SLC6A8: variants seen among roughly 807,000 people sequenced by gnomAD.
SLC6A8 encodes the protein solute carrier family 6 member 8.
SLC6A8 carries 6 observed loss-of-function variants against 48.3 expected under a neutral mutation model. That is an observed-to-expected ratio of 0.12 (90% CI 0.07 to 0.25). The LOEUF (loss-of-function observed/expected upper bound fraction) is 0.25. Ranked by LOEUF, SLC6A8 falls within the 10% of genes least tolerant of loss-of-function variation. The pLI is 1.00. For missense variants in SLC6A8, 260 were observed against 551.5 expected (o/e 0.47, Z 5.29); for synonymous variants, 245 against 244.0 (o/e 1.00, Z -0.04).
In SLC6A8 at chrX:153,696,581, T is replaced by C. The variant is rs1329971917; in HGVS notation, c.*1367T>C. The C allele has an allele frequency of 3.4e-6, 1 of 294,520 alleles. No individual in the cohort carries two copies. The highest frequency in any genetic ancestry group is 2.7e-5 in the African/African-American group (1 of 36,961). 24.3% of individuals were successfully genotyped at this position (294,520 alleles called of 1,213,427 possible). ...AGACATAGCAATAAAAACATGTCATTTTCCAAAGCAGGCTCCTGCTTCCGC... is the reference window on the plus strand; with the variant it reads ...AGACATAGCAATAAAAACATGTCATCTTCCAAAGCAGGCTCCTGCTTCCGC... On this transcript the variant is annotated 3_prime_UTR_variant, in exon 13 of 13. Transcript: ENST00000253122.
Position 153,695,619 on chromosome X carries a change from G to C in SLC6A8, c.*405G>C. ...TGGCAGCTTGGGAAATGTGAGGAAG[G>C]GAAGGAGGGAGAGACGGGAGGGAGG... On this transcript the variant is annotated 3_prime_UTR_variant, in exon 13 of 13. Coordinates refer to ENST00000253122, the MANE Select transcript of SLC6A8 (RefSeq NM_005629.4). The C allele has an allele frequency of 4.9e-6, 1 of 203,254 alleles. No homozygotes were observed. Among genetic ancestry groups the C allele is most frequent in the Non-Finnish European group, 9.0e-6 (1 of 110,696 alleles). The allele number at this position is 203,254 out of a possible 1,213,427, so 16.8% of individuals were successfully genotyped here.
intron 3 of SLC6A8, 143 bp downstream of exon 3, chrX:153,691,696 C>G: frequency 2.4e-6 from 2 of 820,216 alleles, no homozygotes; most frequent in Admixed American, 4.5e-5. Flanking sequence ...TGCCTGTCCT[C>G]GGAGAGTCCT....
chrX:153,694,960 G>C, intron 12 of SLC6A8, 71 bp downstream of exon 12: 1 of 983,271 alleles, frequency 1.0e-6, no homozygotes, highest in Non-Finnish European at 1.3e-6. Flanking sequence ...TTCCTAGCCA[G>C]GGAGTGGCCC....
At position 153,695,215 on chromosome X, in the gene SLC6A8, C is replaced by T. The variant is rs1557045891; in HGVS notation, c.*1C>T. 2 of 1,180,148 alleles carry T rather than the reference C, an allele frequency of 1.7e-6. No homozygotes were observed. On this transcript the variant is annotated 3_prime_UTR_variant, in exon 13 of 13. Coordinates refer to ENST00000253122, the MANE Select transcript of SLC6A8 (RefSeq NM_005629.4). ...CGTCGTGGTGGAGAGTGTCATGTGA[C>T]AACTCAGCTCACATCACCAGCTCAC...
rs1557045422 is a variant in SLC6A8 at position 153,694,247 on chromosome X, G to A, written c.1372G>A (p.Asp458Asn). 8.3e-7 allele frequency: 1 copy of A among 1,211,209 alleles called. No homozygotes were observed. Among genetic ancestry groups the A allele is most frequent in the Non-Finnish European group, 1.1e-6 (1 of 895,104 alleles). Reference sequence around the variant, plus strand: ...CTGTTGTGCCCTCTGCTTTGTCATCGATCTCTCCATGGTGACTGATGTGAG... The same window carrying A: ...CTGTTGTGCCCTCTGCTTTGTCATCAATCTCTCCATGGTGACTGATGTGAG... ...ALCCALCFVIDLSMVTDGGMY... is the reference protein window; with the variant it reads ...ALCCALCFVINLSMVTDGGMY... Residue 458 changes from aspartate (D) to asparagine (N), a missense_variant, in exon 9 of 13, where the codon GAT becomes AAT. Asp to Asn is a conservative substitution (Grantham distance 23, BLOSUM62 1). Coordinates refer to ENST00000253122, the MANE Select transcript of SLC6A8 (RefSeq NM_005629.4).
At chrX:153,692,873 G>C (rs1317120894) in intron 4 of SLC6A8, 168 bp from the exon 5 acceptor site, 1 of 650,691 alleles carries the variant, frequency 1.5e-6, no homozygotes, top group Non-Finnish European at 2.4e-6. Context: ...ACTTGGCCAG[G>C]GCTGCCGGGG....
intron 4 of SLC6A8, chrX:153,692,672 A>G (rs149691013): frequency 0.015 from 5,333 of 351,095 alleles, 194 homozygotes; most frequent in African/African-American, 0.11. Context: ...GGGGGACCCG[A>G]CCCGGATCCA....
At position 153,696,075 on chromosome X, in the gene SLC6A8, TCTAA is replaced by T. The variant is rs782536193; in HGVS notation, c.*864_*867del. On this transcript the variant is annotated 3_prime_UTR_variant, in exon 13 of 13. Transcript: ENST00000253122. ...TAGCCAAGGAGTGTGAATTTATAGA[TCTAA>T]CTTTCATAGGCAAAACAAAAGCTTC... 45 of 182,465 alleles carry T rather than the reference TCTAA, an allele frequency of 2.5e-4. No homozygotes were observed. The highest frequency in any genetic ancestry group is 4.3e-4 in the Non-Finnish European group (42 of 97,672). 15.0% of individuals were successfully genotyped at this position (182,465 alleles called of 1,213,427 possible).
At chrX:153,693,755 A>C (rs1312281407) in intron 7 of SLC6A8, 150 bp from the exon 8 acceptor site, 4 of 781,377 alleles carry the variant, frequency 5.1e-6, no homozygotes, top group Non-Finnish European at 7.6e-6. Flanking sequence ...TTGACAGAGA[A>C]AGGACCTCCC....
chrX:153,695,187 GGTCGTC>G lies in SLC6A8; in HGVS notation c.1884_1889del (p.Val630_Val631del). ...TGACCCCAGTGTCCGAGAGCAGCAAGGTCGTCGTGGTGGAGAGTGTCATGTGACAAC... is the reference window on the plus strand; with the variant it reads ...TGACCCCAGTGTCCGAGAGCAGCAAGGTGGTGGAGAGTGTCATGTGACAAC... On this transcript the variant is annotated inframe_deletion, in exon 13 of 13. Coordinates refer to ENST00000253122, the MANE Select transcript of SLC6A8 (RefSeq NM_005629.4). 8.4e-7 allele frequency: 1 copy of G among 1,188,423 alleles called. No homozygotes were observed. The highest frequency in any genetic ancestry group is 1.1e-6 in the Non-Finnish European group (1 of 883,257).
At chrX:153,689,880 ACCCACCCACCCTCTGC>A (rs1249032485) in intron 1 of SLC6A8, among the ~76,000 whole-genome samples, 7 of 111,905 alleles carry the variant, frequency 6.3e-5, no homozygotes, top group Non-Finnish European at 1.3e-4. Flanking sequence ...GGGGACTGTG[ACCCACCCACCCTCTGC>A]CTTAGACCTC....
rs1380492362 is a variant in SLC6A8, at chrX:153,687,955, G to A, written c.-620G>A. The A allele has an allele frequency of 5.5e-5, 6 of 108,829 alleles. No individual in the cohort carries two copies. The highest frequency in any genetic ancestry group is 2.0e-4 in the African/African-American group (6 of 29,545). 9.0% of individuals were successfully genotyped at this position (108,829 alleles called of 1,213,427 possible). On this transcript the variant is annotated 5_prime_UTR_variant, in exon 1 of 13. Coordinates refer to ENST00000253122, the MANE Select transcript of SLC6A8 (RefSeq NM_005629.4). Reference sequence around the variant, plus strand: ...AGAGGGATAGTCGGAGCGAGGTGGCGAGTCGCTGAGCCCGCCGCGGCCCCG... The same window carrying A: ...AGAGGGATAGTCGGAGCGAGGTGGCAAGTCGCTGAGCCCGCCGCGGCCCCG...
Position 153,693,794 on chromosome X carries a change from A to C in SLC6A8, c.1142-111A>C. ...CCCTGCCGCACGACCCAGGGTTGAC[A>C]GCGCCTCTGAGGCAGGCGTGGGCAT... On this transcript the variant is annotated intron_variant, in intron 7 of 12. Coordinates refer to ENST00000253122, the MANE Select transcript of SLC6A8 (RefSeq NM_005629.4). 9 of 804,461 alleles carry C rather than the reference A, an allele frequency of 1.1e-5. No homozygotes were observed. In the South Asian group the frequency reaches 2.0e-4, roughly 18 times the overall value. The allele number at this position is 804,461 out of a possible 1,213,427, so 66.3% of individuals were successfully genotyped here.
chrX:153,694,882 T>C lies in SLC6A8; in HGVS notation c.1760T>C (p.Met587Thr). The C allele has an allele frequency of 8.4e-7, 1 of 1,194,200 alleles. No homozygotes were observed. Among genetic ancestry groups the C allele is most frequent in the Non-Finnish European group, 1.1e-6 (1 of 886,118 alleles). ...LGCLLRAKGT[M>T]AERWQHLTQP... is the part of the protein sequence containing the mutation. ...TGCCTCCTCAGGGCCAAGGGCACCA[T>C]GGCTGAGGTAAGGCTCCCGCCCGGC... is the stretch of plus-strand genomic sequence containing the variant. Residue 587 changes from methionine to threonine, a missense_variant, in exon 12 of 13, where the codon ATG becomes ACG. Met to Thr is a moderately conservative substitution (Grantham distance 81). Transcript: ENST00000253122.
Position 153,693,193 on chromosome X carries a change from A to G in SLC6A8, c.912+18A>G. On this transcript the variant is annotated intron_variant, in intron 5 of 12. Transcript: ENST00000253122. ...CCCCTCAGGTGAGGTGGAGGTGGAG[A>G]GGCTGCAGCAGGGCGCTGCGGGGGA... is the stretch of plus-strand genomic sequence containing the variant. The G allele has an allele frequency of 8.3e-7, 1 of 1,210,345 alleles. No individual in the cohort carries two copies. Among genetic ancestry groups the G allele is most frequent in the Non-Finnish European group, 1.1e-6 (1 of 894,649 alleles).
At position 153,688,031 on chromosome X, in the gene SLC6A8, AGCCGCCGCC is replaced by A. The variant is rs1165430998; in HGVS notation, c.-534_-526del. The A allele has an allele frequency of 1.9e-4, 19 of 101,233 alleles. 1 individual carries two copies. Among genetic ancestry groups the A allele is most frequent in the Admixed American group, 8.3e-4 (8 of 9,662 alleles). The allele number at this position is 101,233 out of a possible 1,213,427, so 8.3% of individuals were successfully genotyped here. On this transcript the variant is annotated 5_prime_UTR_variant, in exon 1 of 13. Coordinates refer to ENST00000253122, the MANE Select transcript of SLC6A8 (RefSeq NM_005629.4). ...GGAAGGAGAGGGCGAGGCGCGCCCG[AGCCGCCGCC>A]GCCGCCGCCACCGCCGCCGCCGCCA...
chrX:153,692,867 G>A (rs2091464209), intron 4 of SLC6A8, 174 bp from the exon 5 acceptor site: 1 of 613,015 alleles, frequency 1.6e-6, no homozygotes, highest in Admixed American at 2.7e-5. Context: ...CACTGCACTT[G>A]GCCAGGGCTG....
At chrX:153,690,932 G>A (rs1222106651) in intron 2 of SLC6A8, 1 of 269,141 alleles carries the variant, frequency 3.7e-6, no homozygotes, top group Non-Finnish European at 6.8e-6. Context: ...CAGCTGCTGA[G>A]GACTGGAGGC....
At position 153,694,754 on chromosome X, in the gene SLC6A8, G is replaced by A. The variant is rs782393373; in HGVS notation, c.1632G>A (p.Pro544=). Residue 544 remains proline (P), a synonymous_variant, in exon 12 of 13, where the codon CCG becomes CCA. Transcript: ENST00000253122. ...TCTTCAACGTTGTGTACTACGAGCC[G>A]CTGGTCTACAACAACACCTACGTGT... The part of the protein sequence containing the change: ...IFIFNVVYYE[P]LVYNNTYVYP... 2.4e-5 allele frequency: 29 copies of A among 1,209,750 alleles called. No homozygotes were observed. The highest frequency in any genetic ancestry group is 5.9e-5 in the East Asian group (2 of 33,773).
Sources: gnomAD v4.1 joint callset for allele counts (sites outside exome capture counted in the v4.1 genomes callset) on GRCh38, gnomAD v4.1.1 for gene constraint, MANE v1.5 for transcripts, NCBI Gene and HGNC (gene_info 2026-07-23, HGNC 2026-07-21) for gene names.